The following LDLRAD4 variants were observed in gnomAD, a reference collection of about 807,000 sequenced individuals.
The protein encoded by LDLRAD4 is low-density lipoprotein receptor class A domain-containing protein 4.
Under a neutral mutation model 17.0 loss-of-function variants are expected in LDLRAD4, and 5 were observed. The ratio of observed to expected loss-of-function variants is 0.29; its 90% confidence interval spans 0.15 to 0.62. The LOEUF is 0.62. Among genes scored for constraint, LDLRAD4 ranks in the 20% least tolerant of loss-of-function variants. The pLI is 0.84. For missense variants in LDLRAD4, 340 were observed against 424.7 expected (o/e 0.80, Z 1.75); for synonymous variants, 168 against 171.8 (o/e 0.98, Z 0.17).
At chr18:13,257,639 A>G (rs2043579709) in intron 1 of LDLRAD4, among the ~76,000 whole-genome samples, 1 of 152,216 alleles carries the variant, frequency 6.6e-6, no homozygotes, top group Non-Finnish European at 1.5e-5. Context: ...TGGATGCTTT[A>G]TAGCAGTGGC....
At chr18:13,240,189 G>A (rs1314061613) in intron 1 of LDLRAD4, 3 of 152,278 alleles carry the variant, frequency 2.0e-5, no homozygotes, top group Admixed American at 2.0e-4. Flanking sequence ...TGCAGGGTCA[G>A]GGTGCTTTGA....
chr18:13,421,632 C>T (rs766914628), intron 2 of LDLRAD4, among the ~76,000 whole-genome samples: 6 of 152,130 alleles, frequency 3.9e-5, no homozygotes, highest in African/African-American at 9.7e-5. Context: ...AGAAGGCACC[C>T]GTGGCTGCCC....
Position 13,611,391 on chromosome 18 carries a change from C to T in LDLRAD4, c.182-9726C>T, listed in dbSNP as rs572337147. ...TGCAGCGTTACCATGGCAGGCTGCC[C>T]TTTCCACCACGGCCACCCCGTGATT... On this transcript the variant is annotated intron_variant, in intron 3 of 5. Transcript: ENST00000359446. 3.3e-6 allele frequency: 3 copies of T among 909,684 alleles called. No homozygotes were observed. In the African/African-American group the frequency reaches 5.4e-5, roughly 16 times the overall value. The allele number at this position is 909,684 out of a possible 1,614,324, so 56.4% of individuals were successfully genotyped here. A position where few individuals can be genotyped will look rare whatever the true frequency, so the allele number is the denominator to read the frequency against.
chr18:13,393,178 C>T lies in LDLRAD4; in HGVS notation c.40+5416C>T, dbSNP rs2086406281. 2.0e-5 allele frequency among the ~76,000 whole-genome samples: 3 copies of T among 152,296 alleles called. No individual in the cohort carries two copies. The South Asian group carries it at 6.2e-4, about 32-fold the overall frequency. On this transcript the variant is annotated intron_variant, in intron 2 of 5. Transcript: ENST00000359446. The stretch of plus-strand genomic sequence containing the variant: ...GTGGCTGACCCACGGATGCCCTCAG[C>T]CCCCGCCTTCCAGAGCTGCCCAGAG...
chr18:13,333,044 A>G (rs535609425), intron 1 of LDLRAD4, among the ~76,000 whole-genome samples: 196 of 152,208 alleles, frequency 1.3e-3, no homozygotes, highest in African/African-American at 4.6e-3. Flanking sequence ...TCAATAAATG[A>G]GAGTTCTGTT....
At position 13,417,455 on chromosome 18, in the gene LDLRAD4, CAG is replaced by C. The variant is rs1397585556; in HGVS notation, c.41-20786_41-20785del. Among the ~76,000 whole-genome samples the C allele has an allele frequency of 3.5e-5, 5 of 143,638 alleles. No individual in the cohort carries two copies. The East Asian group carries it at 8.3e-4, about 24-fold the overall frequency. The allele number at this position is 143,638 out of a possible 152,430, so 94.2% of individuals were successfully genotyped here. On this transcript the variant is annotated intron_variant, in intron 2 of 5. Coordinates refer to ENST00000359446, the Ensembl canonical transcript of LDLRAD4. ...TTTTTCTTTTTTTTTTTTTTTGAGA[CAG>C]AGTCTCACTCTGTCACCCAGGCTGG... is the stretch of plus-strand genomic sequence containing the variant.
At chr18:13,499,458 T>A (rs898397573) in intron 3 of LDLRAD4, among the ~76,000 whole-genome samples, 2 of 143,122 alleles carry the variant, frequency 1.4e-5, no homozygotes, top group Non-Finnish European at 3.0e-5. Flanking sequence ...CACTGGAGAA[T>A]CCTTCTACTC....
intron 3 of LDLRAD4, among the ~76,000 whole-genome samples, chr18:13,547,937 TC>T (rs1308626551): frequency 6.6e-6 from 1 of 152,244 alleles, no homozygotes; most frequent in South Asian, 2.1e-4. Context: ...ATTCAGTAGG[TC>T]CTGAGTTCTT....
At chr18:13,565,581 G>C (rs996130988) in intron 3 of LDLRAD4, among the ~76,000 whole-genome samples, 1 of 152,232 alleles carries the variant, frequency 6.6e-6, no homozygotes, top group Non-Finnish European at 1.5e-5. Flanking sequence ...GCTGTGGAAC[G>C]AGCCAGCCCA....
intron 3 of LDLRAD4, among the ~76,000 whole-genome samples, chr18:13,527,810 C>T (rs2147769280): frequency 6.6e-6 from 1 of 152,312 alleles, no homozygotes; most frequent in South Asian, 2.1e-4. Context: ...TCCCAGGAGG[C>T]CACCATGGCC....
chr18:13,270,719 G>A (rs1172912643), intron 1 of LDLRAD4, among the ~76,000 whole-genome samples: 1 of 152,138 alleles, frequency 6.6e-6, no homozygotes, highest in Admixed American at 6.5e-5. Flanking sequence ...TCAGGGCGTC[G>A]GCAGGTTCCA....
Position 13,367,162 on chromosome 18 carries a change from G to C in LDLRAD4, c.-382-20179G>C, listed in dbSNP as rs1224770738. Among the ~76,000 whole-genome samples, 1 of 152,200 alleles carries C rather than the reference G, an allele frequency of 6.6e-6. No individual in the cohort carries two copies. Among genetic ancestry groups the C allele is most frequent in the Admixed American group, 6.5e-5 (1 of 15,286 alleles). On this transcript the variant is annotated intron_variant, in intron 1 of 5. Transcript: ENST00000359446. The surrounding 1 kb of genome is among the most constrained non-coding windows in gnomAD (Gnocchi z 4.1). ...CTGTCCACAGGGAAGTCCTGTGGCTGTGGGAAGGAGGTTTTGCAATCCCCT... is the reference window on the plus strand; with the variant it reads ...CTGTCCACAGGGAAGTCCTGTGGCTCTGGGAAGGAGGTTTTGCAATCCCCT...
At chr18:13,526,973 T>C (rs1436090259) in intron 3 of LDLRAD4, among the ~76,000 whole-genome samples, 1 of 152,198 alleles carries the variant, frequency 6.6e-6, no homozygotes, top group South Asian at 2.1e-4. Flanking sequence ...TGAATATAGA[T>C]GATCTGGATG....
chr18:13,645,413 G>T lies in LDLRAD4; in HGVS notation c.677G>T (p.Gly226Val). ...TTAATAGACATTGCTATGTATAGCG[G>T]GGGTCCATGCCCACCCAGCAGCAAC... The change falls in exon 6 of 6, where the codon GGG becomes GTG. Residue 226 changes from glycine to valine, a missense_variant. Gly to Val is a moderately radical substitution (Grantham distance 109, BLOSUM62 -3). Coordinates refer to ENST00000359446, the Ensembl canonical transcript of LDLRAD4. The surrounding 1 kb of genome is among the most constrained non-coding windows in gnomAD (Gnocchi z 5.7). 6.2e-7 allele frequency: 1 copy of T among 1,614,186 alleles called. No homozygotes were observed. The highest frequency in any genetic ancestry group is 1.1e-5 in the South Asian group (1 of 91,086).
At chr18:13,386,679 G>A (rs985693600) in intron 1 of LDLRAD4, among the ~76,000 whole-genome samples, 7 of 152,178 alleles carry the variant, frequency 4.6e-5, no homozygotes, top group African/African-American at 1.7e-4. Context: ...GTAACATATG[G>A]AGCAGTTTAT....
intron 3 of LDLRAD4, among the ~76,000 whole-genome samples, chr18:13,447,463 G>A (rs986973011): frequency 5.3e-5 from 8 of 152,114 alleles, no homozygotes; most frequent in African/African-American, 1.4e-4. Flanking sequence ...AAACAAAGGC[G>A]GAGAACAAAT....
At position 13,544,260 on chromosome 18, in the gene LDLRAD4, A is replaced by C. The variant is rs143631302; in HGVS notation, c.182-76857A>C. Among the ~76,000 whole-genome samples, 244 of 152,350 alleles carry C rather than the reference A, an allele frequency of 1.6e-3. 1 individual carries two copies. Among genetic ancestry groups the C allele is most frequent in the African/African-American group, 5.6e-3 (233 of 41,592 alleles). On this transcript the variant is annotated intron_variant, in intron 3 of 5. Coordinates refer to ENST00000359446, the Ensembl canonical transcript of LDLRAD4. Reference sequence around the variant, plus strand: ...TGTGATTTCCCCGTCAGAGTGCTGCAGTGGGCCAGGGACTTGTCTAGGGTG... The same window carrying C: ...TGTGATTTCCCCGTCAGAGTGCTGCCGTGGGCCAGGGACTTGTCTAGGGTG...
At chr18:13,231,730 G>A (rs1343356897) in intron 1 of LDLRAD4, among the ~76,000 whole-genome samples, 2 of 152,202 alleles carry the variant, frequency 1.3e-5, no homozygotes, top group African/African-American at 4.8e-5. Flanking sequence ...ACTATTTAAA[G>A]CTTTTCACAG....
At chr18:13,606,638 C>T (rs1463686818) in intron 3 of LDLRAD4, among the ~76,000 whole-genome samples, 1 of 152,120 alleles carries the variant, frequency 6.6e-6, no homozygotes, top group African/African-American at 2.4e-5. Context: ...GACTAATGTC[C>T]ACAAATATCA....
Sources: allele counts gnomAD v4.1 joint callset (sites outside exome capture counted in the v4.1 genomes callset), GRCh38; gene constraint gnomAD v4.1.1; non-coding constraint Gnocchi (gnomAD v3.1); transcripts MANE v1.5; gene names NCBI Gene and HGNC (gene_info 2026-07-23, HGNC 2026-07-21).